GABRA3: variants seen among roughly 807,000 people sequenced by gnomAD.
GABRA3 encodes gamma-aminobutyric acid receptor subunit alpha-3.
A neutral mutation model predicts 30.1 loss-of-function variants in GABRA3; 10 were observed. That is an observed-to-expected ratio of 0.33 (90% CI 0.20 to 0.56). GABRA3 has a LOEUF of 0.56. Among genes scored for constraint, GABRA3 ranks in the 20% least tolerant of loss-of-function variants. The pLI, the probability that GABRA3 is intolerant of heterozygous loss-of-function variation, is 0.89. For missense variants in GABRA3, 233 were observed against 392.0 expected, an observed-to-expected ratio of 0.59 and a Z score of 3.42; for synonymous variants, 151 against 146.8, an observed-to-expected ratio of 1.03 and a Z score of -0.21.
intron 5 of GABRA3, among the ~76,000 whole-genome samples, chrX:152,234,418 G>T (rs954211563): frequency 1.8e-5 from 2 of 110,009 alleles, no homozygotes; most frequent in Non-Finnish European, 3.8e-5. Flanking sequence ...CATTCTGCAG[G>T]TTGTCTATTC....
rs78203205 is a variant in GABRA3, at chrX:152,320,076, C to T, written c.262+25505G>A. Among the ~76,000 whole-genome samples, 89 of 110,629 alleles carry T rather than the reference C, an allele frequency of 8.0e-4. 1 individual carries two copies. Among genetic ancestry groups the T allele is most frequent in the South Asian group, 1.9e-3 (5 of 2,604 alleles). On this transcript the variant is annotated intron_variant, in intron 3 of 9. Transcript: ENST00000370314. ...ATAATCAAAAACATAAAAAAAAAGA[C>T]GTTGGCATAGATGCAGTGAAAAGGG...
chrX:152,234,730 CCT>C (rs1938162536), intron 5 of GABRA3, among the ~76,000 whole-genome samples: 1 of 111,515 alleles, frequency 9.0e-6, no homozygotes, highest in South Asian at 3.7e-4. Context: ...AATAGGGTGT[CCT>C]TTCTCCAGTG....
intron 9 of GABRA3, among the ~76,000 whole-genome samples, chrX:152,179,052 G>A (rs1386882548): frequency 8.9e-6 from 1 of 111,921 alleles, no homozygotes; most frequent in Non-Finnish European, 1.9e-5. Context: ...ATAAATGACT[G>A]TATAAATCCC....
At chrX:152,248,764 G>A (rs1938503170) in intron 5 of GABRA3, among the ~76,000 whole-genome samples, 1 of 111,618 alleles carries the variant, frequency 9.0e-6, no homozygotes, top group Admixed American at 9.6e-5. Flanking sequence ...ACTGCATGGT[G>A]ACTAGCTGAC....
chrX:152,442,670 C>T (rs1221640778), intron 1 of GABRA3, among the ~76,000 whole-genome samples: 1 of 111,445 alleles, frequency 9.0e-6, no homozygotes, highest in African/African-American at 3.3e-5. Context: ...AATATTTAAA[C>T]TTTGTAACTA....
At chrX:152,241,412 G>A (rs1446770435) in intron 5 of GABRA3, among the ~76,000 whole-genome samples, 10 of 104,076 alleles carry the variant, frequency 9.6e-5, no homozygotes, top group South Asian at 4.2e-4. Context: ...CTTCAAAGCT[G>A]TCAGACAGGG....
intron 4 of GABRA3, among the ~76,000 whole-genome samples, chrX:152,275,231 ATATATATTTTAT>A (rs1343464814): frequency 3.0e-5 from 2 of 66,758 alleles, no homozygotes; most frequent in Non-Finnish European, 4.9e-5. Context: ...TATATAATTT[ATATATATTTTAT>A]TATATATAAT....
At chrX:152,433,792 G>GA (rs200493353) in intron 1 of GABRA3, among the ~76,000 whole-genome samples, 4,129 of 102,435 alleles carry the variant, frequency 0.04, 229 homozygotes, top group East Asian at 0.32. Flanking sequence ...CAGATAATGA[G>GA]AAAAAAAAAG....
intron 1 of GABRA3, among the ~76,000 whole-genome samples, chrX:152,400,304 G>A (rs747815289): frequency 9.2e-5 from 10 of 109,077 alleles, no homozygotes; most frequent in African/African-American, 3.3e-4. Flanking sequence ...GCAACATAGA[G>A]TCTCTGCAAA....
intron 1 of GABRA3, among the ~76,000 whole-genome samples, chrX:152,395,112 C>CA (rs937302702): frequency 1.8e-5 from 2 of 108,969 alleles, no homozygotes; most frequent in East Asian, 2.9e-4. Flanking sequence ...GACAGTGGTA[C>CA]AAAAAAAAGA....
rs1435182255 is a variant in GABRA3 at position 152,441,135 on chromosome X, A to G, written c.-27+10011T>C. Among the ~76,000 whole-genome samples, 3 of 111,509 alleles carry G rather than the reference A, an allele frequency of 2.7e-5. No homozygotes were observed. The East Asian group carries it at 8.4e-4, about 31-fold the overall frequency. ...TGTTATAGTAAGGGAAATTTTCTCTATCCTTATTGTGGTGGCACCGGTGGT... is the reference window on the plus strand; with the variant it reads ...TGTTATAGTAAGGGAAATTTTCTCTGTCCTTATTGTGGTGGCACCGGTGGT... On this transcript the variant is annotated intron_variant, in intron 1 of 9. Transcript: ENST00000370314.
At position 152,256,005 on chromosome X, in the gene GABRA3, G is replaced by A. The variant is rs1294438558; in HGVS notation, c.331-7C>T. On this transcript the variant is annotated splice_region_variant and splice_polypyrimidine_tract_variant and intron_variant, in intron 4 of 9. Coordinates refer to ENST00000370314, the MANE Select transcript of GABRA3 (RefSeq NM_000808.4). The stretch of plus-strand genomic sequence containing the variant: ...ATACATCAATAGTGTACTCCTAGGG[G>A]TGAAAAGAGAGAAAACAATGTTTCA... The A allele has an allele frequency of 2.2e-5, 26 of 1,160,197 alleles. 1 individual carries two copies. In the African/African-American group the frequency reaches 2.9e-4, roughly 13 times the overall value.
intron 9 of GABRA3, among the ~76,000 whole-genome samples, chrX:152,181,830 A>G (rs767937283): frequency 9.0e-6 from 1 of 110,718 alleles, no homozygotes. Flanking sequence ...ATAATAAAAA[A>G]AAAGAAAAAA....
intron 7 of GABRA3, among the ~76,000 whole-genome samples, chrX:152,199,518 T>C (rs543096342): frequency 9.0e-6 from 1 of 111,177 alleles, no homozygotes; most frequent in African/African-American, 3.3e-5. Context: ...ACTAACCTTC[T>C]TGATGCTTTG....
At chrX:152,199,131 C>G (rs954636053) in intron 7 of GABRA3, among the ~76,000 whole-genome samples, 1 of 110,840 alleles carries the variant, frequency 9.0e-6, no homozygotes, top group African/African-American at 3.3e-5. Context: ...CTTTGGGAGG[C>G]CAAGGCGGGC....
At chrX:152,423,455 G>C (rs1412324726) in intron 1 of GABRA3, among the ~76,000 whole-genome samples, 6 of 111,863 alleles carry the variant, frequency 5.4e-5, no homozygotes, top group African/African-American at 1.9e-4. Flanking sequence ...TGACCAATGA[G>C]GAAATTATGA....
At chrX:152,176,674 G>A (rs925817788) in intron 9 of GABRA3, among the ~76,000 whole-genome samples, 1 of 111,496 alleles carries the variant, frequency 9.0e-6, no homozygotes, top group Non-Finnish European at 1.9e-5. Context: ...GTTTGGATAT[G>A]AGAATTACAT....
intron 3 of GABRA3, among the ~76,000 whole-genome samples, chrX:152,328,190 A>T (rs1940097323): frequency 9.0e-6 from 1 of 111,705 alleles, no homozygotes; most frequent in Non-Finnish European, 1.9e-5. Context: ...CAGGCTCTGA[A>T]ATTGAGGCAA....
chrX:152,379,428 T>C (rs959716145), intron 1 of GABRA3, among the ~76,000 whole-genome samples: 1 of 110,822 alleles, frequency 9.0e-6, no homozygotes, highest in Non-Finnish European at 1.9e-5. Context: ...AAAATTGCTA[T>C]CAAAATTATG....
Sources: gnomAD v4.1 joint callset for allele counts (sites outside exome capture counted in the v4.1 genomes callset) on GRCh38, gnomAD v4.1.1 for gene constraint, MANE v1.5 for transcripts, NCBI Gene and HGNC (gene_info 2026-07-23, HGNC 2026-07-21) for gene names.